Variants in C2 observed in about 807,000 individuals in gnomAD.
The protein encoded by C2 is complement C2, also known as C3/C5 convertase.
In C2, 64 loss-of-function variants were observed where a neutral mutation model predicts 85.2. The observed-to-expected ratio is 0.75, with a 90% CI of 0.61 to 0.92. The LOEUF is 0.92. Ranked by LOEUF, C2 falls within the 40% of genes least tolerant of loss-of-function variation. The pLI, the probability that C2 is intolerant of heterozygous loss-of-function variation, is 0.00. For synonymous variants in C2, 311 were observed against 370.8 expected, an observed-to-expected ratio of 0.84 and a Z score of 1.85; for missense variants, 820 against 971.6, an observed-to-expected ratio of 0.84 and a Z score of 2.07.
upstream of C2, among the ~76,000 whole-genome samples, chr6:31,916,880 A>T (rs1226321586): frequency 6.7e-6 from 1 of 149,358 alleles, no homozygotes; most frequent in Non-Finnish European, 1.5e-5. Context: ...AAAAAAAAAA[A>T]AAAAAAAAAG....
intron 1 of C2, among the ~76,000 whole-genome samples, chr6:31,907,998 C>T (rs950689611): frequency 9.2e-5 from 14 of 151,608 alleles, no homozygotes; most frequent in Non-Finnish European, 1.8e-4. Flanking sequence ...GGACGTCTGC[C>T]ACCACGCCCA....
chr6:31,898,643 C>CTTTTTT (rs75322477), upstream of C2, among the ~76,000 whole-genome samples: 1 of 135,678 alleles, frequency 7.4e-6, no homozygotes, highest in Admixed American at 7.4e-5. Context: ...CCAAACTTAG[C>CTTTTTT]TTTTTTTTTT....
At chr6:31,899,434 T>C (rs1315187750), upstream of C2, among the ~76,000 whole-genome samples, 1 of 151,888 alleles carries the variant, frequency 6.6e-6, no homozygotes, top group African/African-American at 2.4e-5. Flanking sequence ...CCCACTTCCT[T>C]TTCTGGGACT....
intron 1 of C2, among the ~76,000 whole-genome samples, chr6:31,907,963 C>A (rs1273647213): frequency 6.6e-6 from 1 of 150,806 alleles, no homozygotes; most frequent in African/African-American, 2.4e-5. Context: ...TCTCCTGCCT[C>A]AGCCTCCTGA....
chr6:31,901,585 T>C (rs1233928913), intron 1 of C2, among the ~76,000 whole-genome samples: 1 of 150,006 alleles, frequency 6.7e-6, no homozygotes, highest in African/African-American at 2.5e-5. Context: ...GCGCCCACGG[T>C]GGAAGGACGG....
chr6:31,912,061 C>T (rs537645446), intron 1 of C2, among the ~76,000 whole-genome samples: 26 of 152,042 alleles, frequency 1.7e-4, no homozygotes, highest in Admixed American at 7.2e-4. Flanking sequence ...GTTGAGCCAC[C>T]GTGCCTGGCC....
At chr6:31,905,364 G>A (rs963343626) in intron 1 of C2, among the ~76,000 whole-genome samples, 4 of 151,916 alleles carry the variant, frequency 2.6e-5, no homozygotes, top group African/African-American at 9.7e-5. Context: ...CTTAAGCCCA[G>A]GCAGTTGAGG....
chr6:31,926,478 C>T (rs1769265486), upstream of C2, among the ~76,000 whole-genome samples: 1 of 150,696 alleles, frequency 6.6e-6, no homozygotes, highest in African/African-American at 2.4e-5. Context: ...GATTACAGGC[C>T]CCTGCCACCA....
At chr6:31,931,591 G>A (rs1460484838) in intron 3 of C2, among the ~76,000 whole-genome samples, 5 of 151,998 alleles carry the variant, frequency 3.3e-5, no homozygotes, top group African/African-American at 4.8e-5. Context: ...TAAGGTCACC[G>A]ATCAACAGGA....
chr6:31,920,693 G>A lies in C2; in HGVS notation c.-100+667G>A, dbSNP rs1030676321. On this transcript the variant is annotated intron_variant, in intron 1 of 3. Coordinates refer to the C2 transcript ENST00000413154. The surrounding 1 kb of genome is among the most constrained non-coding windows in gnomAD (Gnocchi z 5.6). ...GGCTGAGGTAAGAGCTGCGGTGTGG[G>A]CAGATGGACACCCTGGTACACCCCA... 2.0e-5 allele frequency among the ~76,000 whole-genome samples: 3 copies of A among 152,192 alleles called. No individual in the cohort carries two copies. The highest frequency in any genetic ancestry group is 4.8e-5 in the African/African-American group (2 of 41,434).
rs1771108962 is a variant in C2 at position 31,943,849 on chromosome 6, G to A, written c.1733+40G>A. ...GGATGGGAGGGTGCCCTGCAGGGAA[G>A]AGTGCTCTGGAGATCCCTGGAAGAG... On this transcript the variant is annotated intron_variant, in intron 13 of 17. Coordinates refer to ENST00000299367, the MANE Select transcript of C2 (RefSeq NM_000063.6). The surrounding 1 kb of genome is among the most constrained non-coding windows in gnomAD (Gnocchi z 6.4). 17 of 1,612,210 alleles carry A rather than the reference G, an allele frequency of 1.1e-5. No individual in the cohort carries two copies. Among genetic ancestry groups the A allele is most frequent in the Non-Finnish European group, 1.4e-5 (17 of 1,179,474 alleles).
upstream of C2, among the ~76,000 whole-genome samples, chr6:31,924,046 C>T (rs564566948): frequency 2.6e-5 from 4 of 151,178 alleles, no homozygotes; most frequent in South Asian, 6.3e-4. Context: ...GTGATCCACC[C>T]GCCTCGGCCT....
At chr6:31,928,454 A>C (rs571764613) in intron 2 of C2, among the ~76,000 whole-genome samples, 1 of 152,252 alleles carries the variant, frequency 6.6e-6, no homozygotes, top group Admixed American at 6.5e-5. Context: ...TCCTCTAGAC[A>C]TCTGAGGATC....
upstream of C2, among the ~76,000 whole-genome samples, chr6:31,916,760 T>C (rs1768541749): frequency 6.7e-6 from 1 of 150,072 alleles, no homozygotes; most frequent in African/African-American, 2.5e-5. Flanking sequence ...CTTTTTTTTT[T>C]TTTTTTTTGA....
intron 6 of C2, chr6:31,934,613 G>A: frequency 7.2e-7 from 1 of 1,390,992 alleles, no homozygotes; most frequent in Non-Finnish European, 9.3e-7. Context: ...CAGGAGTGAA[G>A]CAGAAAAATA....
In C2 at chr6:31,945,289, A is replaced by G. The variant is rs1771301154; in HGVS notation, c.2191A>G (p.Asn731Asp). 1.2e-6 allele frequency: 2 copies of G among 1,612,860 alleles called. No homozygotes were observed. The highest frequency in any genetic ancestry group is 1.7e-6 in the Non-Finnish European group (2 of 1,179,986). Residue 731 changes from asparagine (N) to aspartate (D), a missense_variant, in exon 18 of 18, where the codon AAT (asparagine) becomes GAT (aspartate). Transcript: ENST00000299367. The surrounding 1 kb of genome is among the most constrained non-coding windows in gnomAD (Gnocchi z 5.3). ...KVPPPRDFHI[N>D]LFRMQPWLRQ... ...CCCGCCGCCACGAGACTTTCACATC[A>G]ATCTCTTCCGCATGCAGCCCTGGCT...
At chr6:31,900,344 G>A (rs1436439073), upstream of C2, 6 of 1,609,322 alleles carry the variant, frequency 3.7e-6, no homozygotes, top group Admixed American at 1.7e-5. The surrounding 1 kb of genome is among the most constrained non-coding windows in gnomAD (Gnocchi z 9.7). Context: ...GAAGCCCCCA[G>A]GCAGGGGTCC....
At chr6:31,917,171 AG>A (rs1224207831), upstream of C2, among the ~76,000 whole-genome samples, 2 of 149,692 alleles carry the variant, frequency 1.3e-5, no homozygotes, top group Non-Finnish European at 3.0e-5. Context: ...ACTCTGTCTC[AG>A]AAAAAAAAAA....
chr6:31,900,645 G>A, upstream of C2: 1 of 1,612,810 alleles, frequency 6.2e-7, no homozygotes, highest in South Asian at 1.1e-5. The surrounding 1 kb of genome is among the most constrained non-coding windows in gnomAD (Gnocchi z 9.7). Flanking sequence ...TTGAGCCGGT[G>A]TGCCACCTCC....
Sources: gnomAD v4.1 joint callset for allele counts (sites outside exome capture counted in the v4.1 genomes callset) on GRCh38, gnomAD v4.1.1 for gene constraint, Gnocchi (gnomAD v3.1) non-coding constraint, MANE v1.5 for transcripts, NCBI Gene and HGNC (gene_info 2026-07-23, HGNC 2026-07-21) for gene names.